The following GCC2 variants were observed in gnomAD, a reference collection of about 807,000 sequenced individuals.
The protein encoded by GCC2 is GRIP and coiled-coil domain-containing protein 2.
GCC2 carries 120 observed loss-of-function variants against 210.6 expected under a neutral mutation model. The ratio of observed to expected loss-of-function variants is 0.57; its 90% CI spans 0.49 to 0.66. The LOEUF is 0.66. Among genes scored for constraint, GCC2 ranks in the 30% least tolerant of loss-of-function variants. The probability of loss-of-function intolerance (pLI) is 0.00; values close to 1 mark genes in which losing one functional copy is unlikely to be tolerated. For synonymous variants in GCC2, 703 were observed against 652.7 expected, an observed-to-expected ratio of 1.08 and a Z score of -1.17; for missense variants, 1,868 against 1,871.9, an observed-to-expected ratio of 1.00 and a Z score of 0.04.
intron 9 of GCC2, among the ~76,000 whole-genome samples, chr2:108,477,603 A>G (rs1165735478): frequency 6.6e-6 from 1 of 152,234 alleles, no homozygotes; most frequent in African/African-American, 2.4e-5. Context: ...AATTCCTTCT[A>G]AGGAATTAGG....
chr2:108,498,539 G>A (rs1295809684), intron 21 of GCC2, among the ~76,000 whole-genome samples: 1 of 152,038 alleles, frequency 6.6e-6, no homozygotes. Context: ...TGATTTCTTA[G>A]TCTTCTTTAT....
chr2:108,486,397 A>T, intron 15 of GCC2, 114 bp from the exon 16 acceptor site: 1 of 918,638 alleles, frequency 1.1e-6, no homozygotes, highest in Non-Finnish European at 1.8e-6. Context: ...TTCACTACTT[A>T]ATTATGCCTT....
At chr2:108,476,433 A>G (rs1460394570) in intron 9 of GCC2, among the ~76,000 whole-genome samples, 5 of 152,216 alleles carry the variant, frequency 3.3e-5, no homozygotes, top group Non-Finnish European at 5.9e-5. Context: ...CAGTAACAAA[A>G]AGATAACCTA....
Position 108,509,277 on chromosome 2 carries a change from AAAT to A in GCC2, c.*1651_*1653del, listed in dbSNP as rs1168234801. 1 of 152,270 alleles carries A rather than the reference AAAT, an allele frequency of 6.6e-6. No homozygotes were observed. The highest frequency in any genetic ancestry group is 2.4e-5 in the African/African-American group (1 of 41,140). 9.4% of individuals were successfully genotyped at this position (152,270 alleles called of 1,614,324 possible). On this transcript the variant is annotated 3_prime_UTR_variant, in exon 23 of 23. Transcript: ENST00000309863. ...GTCTCTGCTTACGAATGTCATAACA[AAAT>A]AATTTTTTGCATGATAAAAAATTAC...
rs142677183 is a variant in GCC2, at chr2:108,502,956, A to G, written c.4984+3202A>G. Among the ~76,000 whole-genome samples the G allele has an allele frequency of 4.4e-3, 668 of 152,108 alleles. 4 individuals carry two copies. Among genetic ancestry groups the G allele is most frequent in the South Asian group, 0.013 (64 of 4,818 alleles). On this transcript the variant is annotated intron_variant, in intron 22 of 22. Coordinates refer to ENST00000309863, the MANE Select transcript of GCC2 (RefSeq NM_181453.4). ...AAAAAAAAAGAATGTAAACTACAAGATAGTTCAAAAGAAATTACACAGAAT... is the reference window on the plus strand; with the variant it reads ...AAAAAAAAAGAATGTAAACTACAAGGTAGTTCAAAAGAAATTACACAGAAT...
chr2:108,487,900 A>ATTTTTTTTTTTT, intron 17 of GCC2, 80 bp downstream of exon 17: 1 of 647,632 alleles, frequency 1.5e-6, no homozygotes, highest in Non-Finnish European at 2.2e-6. Flanking sequence ...TCCTATTATG[A>ATTTTTTTTTTTT]TTTTTTTTTT....
At chr2:108,453,986 A>T (rs1031774752) in intron 4 of GCC2, among the ~76,000 whole-genome samples, 2 of 151,760 alleles carry the variant, frequency 1.3e-5, no homozygotes, top group South Asian at 2.1e-4. Context: ...ATATTTATTT[A>T]TTTTTATTTA....
intron 9 of GCC2, 56 bp downstream of exon 9, chr2:108,475,906 G>A: frequency 1.1e-6 from 1 of 879,374 alleles, no homozygotes; most frequent in South Asian, 1.6e-5. Context: ...TAACTTCTAA[G>A]TTAAGAAATG....
At chr2:108,492,133 AGT>A (rs1682431342) in intron 18 of GCC2, among the ~76,000 whole-genome samples, 4 of 150,486 alleles carry the variant, frequency 2.7e-5, no homozygotes, top group South Asian at 4.2e-4. Context: ...AAATCAGAAG[AGT>A]GTGGGGTTTT....
At chr2:108,469,143 T>G in intron 5 of GCC2, 59 bp downstream of exon 5, 1 of 967,486 alleles carries the variant, frequency 1.0e-6, no homozygotes, top group East Asian at 2.4e-5. Flanking sequence ...AGTCATTAAT[T>G]TTAGAGGTAA....
At chr2:108,479,445 A>G (rs1010726378) in intron 9 of GCC2, among the ~76,000 whole-genome samples, 5 of 152,186 alleles carry the variant, frequency 3.3e-5, no homozygotes, top group African/African-American at 1.2e-4. Context: ...GTTTGAGACC[A>G]GCCTGGGCAA....
intron 18 of GCC2, 49 bp from the exon 19 acceptor site, chr2:108,492,524 A>G (rs1189578982): frequency 4.9e-6 from 6 of 1,220,924 alleles, no homozygotes; most frequent in Admixed American, 3.5e-5. Flanking sequence ...AGGCTAAGTC[A>G]GCATATAAAG....
rs1683364496 is a variant in GCC2 at position 108,509,236 on chromosome 2, C to T, written c.*1606C>T. 6.6e-6 allele frequency: 1 copy of T among 152,536 alleles called. No individual in the cohort carries two copies. The highest frequency in any genetic ancestry group is 2.4e-5 in the African/African-American group (1 of 41,404). The allele number at this position is 152,536 out of a possible 1,614,324, so 9.4% of individuals were successfully genotyped here. A position where few individuals can be genotyped will look rare whatever the true frequency, so the allele number is the denominator to read the frequency against. On this transcript the variant is annotated 3_prime_UTR_variant, in exon 23 of 23. Transcript: ENST00000309863. ...TTAGACCTTTTGAAGTCTGTATAAA[C>T]TTGTTTTGAAATATAGTCTCTGCTT...
In GCC2 at chr2:108,504,627, T is replaced by C. The variant is rs111624615; in HGVS notation, c.4985-2933T>C. ...TTAAAACTCAGCATATTTCACAAAT[T>C]GAGTGTTTCATTTCTATTTCAGGTA... On this transcript the variant is annotated intron_variant, in intron 22 of 22. Coordinates refer to ENST00000309863, the MANE Select transcript of GCC2 (RefSeq NM_181453.4). 8.1e-3 allele frequency among the ~76,000 whole-genome samples: 1,228 copies of C among 152,310 alleles called. 4 individuals are homozygous for C. Among genetic ancestry groups the C allele is most frequent in the Non-Finnish European group, 0.013 (879 of 68,038 alleles).
chr2:108,472,644 T>C lies in GCC2; in HGVS notation c.2788-183T>C, dbSNP rs11123696. Among the ~76,000 whole-genome samples the C allele has an allele frequency of 9.3e-3, 1,408 of 152,086 alleles. 23 individuals carry two copies. Among genetic ancestry groups the C allele is most frequent in the Middle Eastern group, 0.031 (9 of 294 alleles). On this transcript the variant is annotated intron_variant, in intron 6 of 22. Transcript: ENST00000309863. ...TTAATAGTAAATGCCATATGCATAGTAAGGTCAGTATTAATTTTCTGGTCT... is the reference window on the plus strand; with the variant it reads ...TTAATAGTAAATGCCATATGCATAGCAAGGTCAGTATTAATTTTCTGGTCT...
intron 9 of GCC2, among the ~76,000 whole-genome samples, chr2:108,476,182 C>G (rs915756015): frequency 1.3e-5 from 2 of 151,296 alleles, no homozygotes; most frequent in Non-Finnish European, 2.9e-5. Context: ...GCCACAGGCT[C>G]CCGAGTAGCT....
chr2:108,451,801 A>C (rs1679958088), intron 3 of GCC2, among the ~76,000 whole-genome samples: 1 of 151,560 alleles, frequency 6.6e-6, no homozygotes, highest in Non-Finnish European at 1.5e-5. Context: ...GCATTTGCTA[A>C]TTAAACACTT....
In GCC2 at chr2:108,470,787, T is replaced by C; in HGVS notation, c.1458T>C (p.Ile486=). 1.9e-6 allele frequency: 3 copies of C among 1,613,736 alleles called. No homozygotes were observed. The highest frequency in any genetic ancestry group is 1.1e-5 in the South Asian group (1 of 91,016). The change falls in exon 6 of 23, where the codon ATT becomes ATC. Residue 486 remains isoleucine (I), a synonymous_variant. Coordinates refer to ENST00000309863, the MANE Select transcript of GCC2 (RefSeq NM_181453.4). ...TAAATTATGAGAGTTTACGAGAGATTATGGAAATTTTACAAACAGAACTGG... is the reference window on the plus strand; with the variant it reads ...TAAATTATGAGAGTTTACGAGAGATCATGGAAATTTTACAAACAGAACTGG... ...AILNYESLRE[I]MEILQTELGE...
At chr2:108,450,248 G>C (rs1679858752) in intron 2 of GCC2, among the ~76,000 whole-genome samples, 1 of 152,172 alleles carries the variant, frequency 6.6e-6, no homozygotes, top group African/African-American at 2.4e-5. Flanking sequence ...AGAAACCTGA[G>C]ACCACAGGCT....
Sources: allele counts gnomAD v4.1 joint callset (sites outside exome capture counted in the v4.1 genomes callset), GRCh38; gene constraint gnomAD v4.1.1; transcripts MANE v1.5; gene names NCBI Gene and HGNC (gene_info 2026-07-23, HGNC 2026-07-21).